The following OSBPL10 variants were observed in gnomAD, a reference collection of about 807,000 sequenced individuals.
The protein encoded by OSBPL10 is oxysterol-binding protein-related protein 10.
In OSBPL10, 49 loss-of-function variants were observed where a neutral mutation model predicts 81.7. The ratio of observed to expected loss-of-function variants is 0.60; its 90% CI spans 0.48 to 0.76. The LOEUF is 0.76. OSBPL10 is among the 30% of genes least tolerant of loss of function. The pLI, the probability that OSBPL10 is intolerant of heterozygous loss-of-function variation, is 0.00. For missense variants in OSBPL10, 923 were observed against 987.8 expected (o/e 0.93, Z 0.88); for synonymous variants, 419 against 383.6 (o/e 1.09, Z -1.08).
At chr3:32,034,442 G>GGA (rs1553650434) in intron 2 of OSBPL10, among the ~76,000 whole-genome samples, 4 of 130,464 alleles carry the variant, frequency 3.1e-5, no homozygotes, top group South Asian at 2.5e-4. Flanking sequence ...CCCTGTAGCG[G>GGA]AAAAAAAAAA....
intron 4 of OSBPL10, among the ~76,000 whole-genome samples, chr3:31,774,018 C>T (rs557757422): frequency 1.3e-5 from 2 of 152,122 alleles, no homozygotes; most frequent in African/African-American, 2.4e-5. Context: ...AAAGATTAGC[C>T]GGGCGTGGTG....
chr3:32,002,602 C>G (rs954086057), intron 2 of OSBPL10, among the ~76,000 whole-genome samples: 6 of 141,672 alleles, frequency 4.2e-5, no homozygotes, highest in African/African-American at 7.5e-5. Flanking sequence ...TGAATCAAGG[C>G]TTCTTCTCTC....
intron 1 of OSBPL10, among the ~76,000 whole-genome samples, chr3:31,905,407 T>C (rs1361433668): frequency 6.8e-6 from 1 of 146,746 alleles, no homozygotes; most frequent in Non-Finnish European, 1.5e-5. Flanking sequence ...TGGAGTGTAG[T>C]GGCACAATCT....
intron 7 of OSBPL10, among the ~76,000 whole-genome samples, chr3:31,687,893 AAATAATAATAATAAT>A (rs34327662): frequency 4.2e-5 from 6 of 143,862 alleles, no homozygotes; most frequent in African/African-American, 1.0e-4. Context: ...CCATCACTAC[AAATAATAATAATAAT>A]AATAATAATA....
chr3:31,845,209 G>A (rs549539316), intron 3 of OSBPL10, among the ~76,000 whole-genome samples: 37 of 152,248 alleles, frequency 2.4e-4, no homozygotes, highest in African/African-American at 8.7e-4. Context: ...CTTTCTGCCT[G>A]CCTGCCTCCA....
intron 1 of OSBPL10, among the ~76,000 whole-genome samples, chr3:32,070,692 A>T (rs745742018): frequency 6.6e-6 from 1 of 152,242 alleles, no homozygotes; most frequent in Admixed American, 6.5e-5. Flanking sequence ...CAAAAACTAG[A>T]CAAGTCTTAC....
At chr3:31,707,004 C>A (rs961741782) in intron 6 of OSBPL10, among the ~76,000 whole-genome samples, 2 of 145,236 alleles carry the variant, frequency 1.4e-5, no homozygotes, top group Non-Finnish European at 3.0e-5. Flanking sequence ...CTAGACCTGG[C>A]CTTCAGGTAG....
chr3:31,875,297 T>C (rs929039993), intron 3 of OSBPL10, among the ~76,000 whole-genome samples: 23 of 152,094 alleles, frequency 1.5e-4, no homozygotes, highest in Admixed American at 1.0e-3. Context: ...TCCTCTTCTG[T>C]TCTGGTTTAT....
At chr3:31,849,703 A>T (rs1407186444) in intron 3 of OSBPL10, among the ~76,000 whole-genome samples, 1 of 152,234 alleles carries the variant, frequency 6.6e-6, no homozygotes, top group African/African-American at 2.4e-5. Context: ...TAAATGACAG[A>T]TCCATATACA....
chr3:32,021,849 C>T (rs1699365834), intron 2 of OSBPL10, among the ~76,000 whole-genome samples: 1 of 151,890 alleles, frequency 6.6e-6, no homozygotes, highest in Non-Finnish European at 1.5e-5. Flanking sequence ...CATGGTGGTG[C>T]ATGACTGTAG....
chr3:31,840,080 C>T (rs899225428), intron 3 of OSBPL10, among the ~76,000 whole-genome samples: 4 of 151,584 alleles, frequency 2.6e-5, no homozygotes, highest in South Asian at 2.1e-4. Context: ...TTTCTTCTCA[C>T]GTCTCATTGT....
intron 1 of OSBPL10, among the ~76,000 whole-genome samples, chr3:31,951,600 T>C (rs1697870563): frequency 6.6e-6 from 1 of 151,724 alleles, no homozygotes; most frequent in Non-Finnish European, 1.5e-5. Context: ...TTGCATATAT[T>C]CTTTAATATA....
At chr3:31,712,264 C>T (rs780802046) in intron 6 of OSBPL10, among the ~76,000 whole-genome samples, 7 of 152,210 alleles carry the variant, frequency 4.6e-5, no homozygotes, top group Non-Finnish European at 8.8e-5. Context: ...TTTGTGCACC[C>T]AGTGGCCTAT....
intron 4 of OSBPL10, among the ~76,000 whole-genome samples, chr3:31,826,435 C>T (rs927874860): frequency 6.6e-6 from 1 of 152,182 alleles, no homozygotes; most frequent in Non-Finnish European, 1.5e-5. Context: ...CCTTTGGTAT[C>T]TCAATTCCTC....
chr3:31,980,302 T>C (rs1255947355), intron 1 of OSBPL10, among the ~76,000 whole-genome samples: 1 of 152,170 alleles, frequency 6.6e-6, no homozygotes, highest in Non-Finnish European at 1.5e-5. Flanking sequence ...GCGCCCGGCC[T>C]CTTTCTGTTT....
At chr3:31,687,837 T>C (rs1194514492) in intron 7 of OSBPL10, among the ~76,000 whole-genome samples, 3 of 151,724 alleles carry the variant, frequency 2.0e-5, no homozygotes, top group Non-Finnish European at 2.9e-5. Flanking sequence ...AGTGGGAGGC[T>C]GAGGCAGGAA....
intron 6 of OSBPL10, among the ~76,000 whole-genome samples, chr3:31,724,670 C>G (rs1222686269): frequency 6.6e-6 from 1 of 152,268 alleles, no homozygotes; most frequent in South Asian, 2.1e-4. Flanking sequence ...AATTAATCCC[C>G]CAAAACTGCA....
intron 1 of OSBPL10, among the ~76,000 whole-genome samples, chr3:32,047,849 T>C (rs1379256865): frequency 6.6e-6 from 1 of 152,024 alleles, no homozygotes; most frequent in African/African-American, 2.4e-5. Flanking sequence ...TTGTTTTTAG[T>C]AGAGATGGGG....
chr3:31,854,140 GTT>G lies in OSBPL10; in HGVS notation c.537+22291_537+22292del, dbSNP rs34484240. Among the ~76,000 whole-genome samples, 290 of 146,466 alleles carry G rather than the reference GTT, an allele frequency of 2.0e-3. 2 individuals are homozygous for G. Among genetic ancestry groups the G allele is most frequent in the African/African-American group, 6.6e-3 (261 of 39,574 alleles). On this transcript the variant is annotated intron_variant, in intron 3 of 11. Transcript: ENST00000396556. ...GATATATACATTATATCTCAGTAAA[GTT>G]TTTTTTTTTTTTTAAGGATAACTTT...
Sources: gnomAD v4.1 joint callset for allele counts (sites outside exome capture counted in the v4.1 genomes callset) on GRCh38, gnomAD v4.1.1 for gene constraint, MANE v1.5 for transcripts, NCBI Gene and HGNC (gene_info 2026-07-23, HGNC 2026-07-21) for gene names.